The following PDE1C variants were observed in gnomAD, a reference collection of about 807,000 sequenced individuals.
PDE1C encodes dual specificity calcium/calmodulin-dependent 3',5'-cyclic nucleotide phosphodiesterase 1C.
Under a neutral mutation model 93.1 loss-of-function variants are expected in PDE1C, and 62 were observed. The observed-to-expected ratio is 0.67, with a 90% CI of 0.54 to 0.82. The LOEUF (loss-of-function observed/expected upper bound fraction) is 0.82, where lower values mean the gene tolerates loss of function less well. PDE1C is among the 40% of genes least tolerant of loss of function. The pLI is 0.00. For missense variants in PDE1C, 742 were observed against 884.6 expected (o/e 0.84, Z 2.04); for synonymous variants, 325 against 310.1 (o/e 1.05, Z -0.50).
chr7:31,659,135 C>A, the PDE1C span, among the ~76,000 whole-genome samples: 17 of 152,072 alleles, frequency 1.1e-4, 2 homozygotes, highest in Non-Finnish European at 1.9e-4. Context: ...TATTCTCTAT[C>A]CCTGAAACCA....
chr7:32,192,632 T>A (rs1804313275), intron 2 of PDE1C, among the ~76,000 whole-genome samples: 2 of 147,126 alleles, frequency 1.4e-5, no homozygotes, highest in Admixed American at 1.3e-4. Flanking sequence ...CTCCTCACAC[T>A]TTTTTTTCTT....
chr7:32,404,505 C>T (rs1293963656), intron 1 of PDE1C, among the ~76,000 whole-genome samples: 4 of 151,930 alleles, frequency 2.6e-5, no homozygotes, highest in Admixed American at 1.3e-4. Context: ...AGGTGCATGC[C>T]ACTCCACCTG....
In PDE1C at chr7:31,820,985, CAAAAAAAAA is replaced by C. The variant is rs70989608; in HGVS notation, c.1582+2079_1582+2087del. On this transcript the variant is annotated intron_variant, in intron 14 of 17. Transcript: ENST00000396191. Reference sequence around the variant, plus strand: ...TCTCAAAGAACCTATCTGAATTTGCCAAAAAAAAAAAAAAAAAACCTTGCAAGTCAAGAC... The same window carrying C: ...TCTCAAAGAACCTATCTGAATTTGCCAAAAAAAAACCTTGCAAGTCAAGAC... The C allele has an allele frequency of 1.3e-3, 125 of 96,872 alleles. 2 individuals carry two copies. The highest frequency in any genetic ancestry group is 4.2e-3 in the African/African-American group (117 of 28,050). 6.0% of individuals were successfully genotyped at this position (96,872 alleles called of 1,614,324 possible).
chr7:32,139,544 A>C (rs1421569292), intron 3 of PDE1C, among the ~76,000 whole-genome samples: 2 of 152,044 alleles, frequency 1.3e-5, no homozygotes, highest in Non-Finnish European at 2.9e-5. Context: ...GGTTTGACGT[A>C]CTCAGATGCT....
the PDE1C span, among the ~76,000 whole-genome samples, chr7:31,657,380 A>T: frequency 1.3e-5 from 2 of 152,238 alleles, no homozygotes. Flanking sequence ...TACATTGAAC[A>T]TTAGCAGAAA....
chr7:31,695,598 T>G, the PDE1C span: 1 of 1,613,464 alleles, frequency 6.2e-7, no homozygotes, highest in Non-Finnish European at 8.5e-7. Context: ...ACACCGGCGC[T>G]GCACATCCCA....
intron 1 of PDE1C, among the ~76,000 whole-genome samples, chr7:32,387,508 C>T (rs1420464723): frequency 2.7e-5 from 3 of 112,144 alleles, no homozygotes; most frequent in Admixed American, 7.9e-5. Flanking sequence ...GGGGGGCTGA[C>T]CCCCCCACCT....
chr7:32,100,737 T>C (rs74665768), intron 3 of PDE1C, among the ~76,000 whole-genome samples: 2 of 152,280 alleles, frequency 1.3e-5, no homozygotes, highest in African/African-American at 2.4e-5. Flanking sequence ...CACACAGATA[T>C]GTACACACCT....
At chr7:31,869,072 A>G (rs1380863345) in intron 6 of PDE1C, among the ~76,000 whole-genome samples, 1 of 152,070 alleles carries the variant, frequency 6.6e-6, no homozygotes, top group Non-Finnish European at 1.5e-5. Context: ...CAGAGAAACA[A>G]CATCTACCAT....
intron 2 of PDE1C, among the ~76,000 whole-genome samples, chr7:31,967,472 C>G (rs1810195556): frequency 6.6e-6 from 1 of 152,170 alleles, no homozygotes; most frequent in Admixed American, 6.5e-5. Context: ...TAATTAATAG[C>G]TCACCAACCA....
intron 2 of PDE1C, among the ~76,000 whole-genome samples, chr7:31,988,963 C>T (rs1330644502): frequency 1.1e-4 from 15 of 135,700 alleles, no homozygotes; most frequent in African/African-American, 3.4e-4. Flanking sequence ...CCATTGCACT[C>T]CAGCCTGGGC....
intron 3 of PDE1C, among the ~76,000 whole-genome samples, chr7:32,111,221 A>T (rs1413425863): frequency 6.6e-6 from 1 of 152,202 alleles, no homozygotes; most frequent in Non-Finnish European, 1.5e-5. Flanking sequence ...AAGTACCAAA[A>T]TTATATATAA....
chr7:31,966,766 AC>A (rs1810045369), intron 2 of PDE1C, among the ~76,000 whole-genome samples: 2 of 152,232 alleles, frequency 1.3e-5, no homozygotes, highest in African/African-American at 4.8e-5. Context: ...TGTCTCTCAG[AC>A]CACAGTGCAA....
chr7:31,991,200 A>G (rs1458326822), intron 2 of PDE1C, among the ~76,000 whole-genome samples: 2 of 152,220 alleles, frequency 1.3e-5, no homozygotes, highest in African/African-American at 4.8e-5. Context: ...TATAGAAATG[A>G]GAGTTAATAG....
At chr7:31,684,072 C>G in the PDE1C span, among the ~76,000 whole-genome samples, 1 of 152,138 alleles carries the variant, frequency 6.6e-6, no homozygotes, top group Non-Finnish European at 1.5e-5. Context: ...TTAGAACTCT[C>G]CAAGGTATAG....
intron 2 of PDE1C, among the ~76,000 whole-genome samples, chr7:31,918,387 A>T (rs10237722): frequency 6.6e-6 from 1 of 152,062 alleles, no homozygotes; most frequent in Non-Finnish European, 1.5e-5. Flanking sequence ...TATGTCACGC[A>T]TGTACCCTCA....
chr7:31,999,985 A>C (rs1785253053), intron 2 of PDE1C, among the ~76,000 whole-genome samples: 1 of 152,160 alleles, frequency 6.6e-6, no homozygotes, highest in Non-Finnish European at 1.5e-5. Context: ...ATCAGATTAC[A>C]AAAACAGTTC....
At chr7:32,036,413 A>T (rs1791094904) in intron 2 of PDE1C, among the ~76,000 whole-genome samples, 1 of 152,230 alleles carries the variant, frequency 6.6e-6, no homozygotes, top group Non-Finnish European at 1.5e-5. Context: ...TTTCACCTTA[A>T]GAAGTTAGAA....
intron 1 of PDE1C, among the ~76,000 whole-genome samples, chr7:32,383,842 A>G (rs1047965073): frequency 6.6e-5 from 10 of 151,984 alleles, no homozygotes; most frequent in African/African-American, 2.4e-4. Flanking sequence ...GTCCGCTCCA[A>G]CTCTTACAAT....
Sources: allele counts gnomAD v4.1 joint callset (sites outside exome capture counted in the v4.1 genomes callset), GRCh38; gene constraint gnomAD v4.1.1; transcripts MANE v1.5; gene names NCBI Gene and HGNC (gene_info 2026-07-23, HGNC 2026-07-21).